Variants in ABL1 observed in about 807,000 individuals in gnomAD.
ABL1 encodes the protein tyrosine-protein kinase ABL1.
In ABL1, 11 loss-of-function variants were observed where a neutral mutation model predicts 94.7. The observed-to-expected ratio is 0.12, with a 90% CI of 0.07 to 0.19. The LOEUF (loss-of-function observed/expected upper bound fraction) is 0.19, where lower values mean the gene tolerates loss of function less well. Ranked by LOEUF, ABL1 falls within the 10% of genes least tolerant of loss-of-function variation. ABL1 has a pLI of 1.00. For synonymous variants in ABL1, 656 were observed against 622.4 expected (o/e 1.05, Z -0.80); for missense variants, 1,082 against 1,489.4 (o/e 0.73, Z 4.50).
Position 130,887,147 on chromosome 9 carries a change from C to T in ABL1, c.*1464C>T, listed in dbSNP as rs1231384924. ...GGTGGCCGCCCCTGAGGCTTCACGC[C>T]GGGAGAAGCCACCTTCCCACCCCTT... On this transcript the variant is annotated 3_prime_UTR_variant, in exon 11 of 11. Coordinates refer to ENST00000318560, the MANE Select transcript of ABL1 (RefSeq NM_005157.6). The T allele has an allele frequency of 2.1e-5, 5 of 233,158 alleles. No individual in the cohort carries two copies. The highest frequency in any genetic ancestry group is 2.5e-5 in the Non-Finnish European group (3 of 118,048). The allele number at this position is 233,158 out of a possible 1,614,324, so 14.4% of individuals were successfully genotyped here.
At position 130,762,909 on chromosome 9, in the gene ABL1, C is replaced by CAAA. The variant is rs5900905; in HGVS notation, c.136+48469_136+48471dup. On this transcript the variant is annotated intron_variant, in intron 1 of 10. Coordinates refer to the ABL1 transcript ENST00000372348. ...CTGGTGACAGAGCGAGACTCCGTCT[C>CAAA]AAAAAAAAAAAAAAAAAGAAAAGGA... Among the ~76,000 whole-genome samples, 58 of 92,848 alleles carry CAAA rather than the reference C, an allele frequency of 6.2e-4. 1 individual carries two copies. The highest frequency in any genetic ancestry group is 7.8e-4 in the Non-Finnish European group (31 of 39,936). The allele number at this position is 92,848 out of a possible 152,430, so 60.9% of individuals were successfully genotyped here.
At chr9:130,867,033 T>TC (rs1320405144) in intron 4 of ABL1, among the ~76,000 whole-genome samples, 3 of 152,236 alleles carry the variant, frequency 2.0e-5, no homozygotes, top group African/African-American at 7.2e-5. Flanking sequence ...GTGTCTTTTT[T>TC]TTCTATGAAT....
chr9:130,855,556 G>GGA (rs2132959442), intron 3 of ABL1, among the ~76,000 whole-genome samples: 1 of 152,298 alleles, frequency 6.6e-6, no homozygotes, highest in South Asian at 2.1e-4. Flanking sequence ...ACACATTCAT[G>GGA]GAGAGGTGTG....
rs1237642504 is a variant in ABL1, at chr9:130,835,414, G to C, written c.-33G>C. On this transcript the variant is annotated 5_prime_UTR_variant, in exon 1 of 11. Transcript: ENST00000318560. This position sits in a 1 kb window ranked among gnomAD's most constrained non-coding sequence, Gnocchi z 4.6. ...GGGCCCGCGGACCGAGCTGGGAGAGGGGTTCCGGCCCCCGACGTGCTGGCG... is the reference window on the plus strand; with the variant it reads ...GGGCCCGCGGACCGAGCTGGGAGAGCGGTTCCGGCCCCCGACGTGCTGGCG... The C allele has an allele frequency of 7.2e-7, 1 of 1,390,234 alleles. No individual in the cohort carries two copies. The highest frequency in any genetic ancestry group is 9.4e-7 in the Non-Finnish European group (1 of 1,064,222). 86.1% of individuals were successfully genotyped at this position (1,390,234 alleles called of 1,614,324 possible).
intron 1 of ABL1, among the ~76,000 whole-genome samples, chr9:130,843,314 G>A (rs1379564900): frequency 6.6e-6 from 1 of 152,174 alleles, no homozygotes; most frequent in Non-Finnish European, 1.5e-5. Flanking sequence ...AGACGCGGTT[G>A]TTCTGTAGTG....
chr9:130,850,569 T>C (rs779618065), intron 1 of ABL1, among the ~76,000 whole-genome samples: 10 of 152,180 alleles, frequency 6.6e-5, no homozygotes, highest in African/African-American at 1.2e-4. Context: ...TGCAGTGGCA[T>C]GATCTCAGCT....
At chr9:130,820,952 CAG>C (rs1830352537) in intron 1 of ABL1, among the ~76,000 whole-genome samples, 1 of 151,302 alleles carries the variant, frequency 6.6e-6, no homozygotes, top group African/African-American at 2.4e-5. Flanking sequence ...TTTTTCGAGA[CAG>C]AGTCTCACTC....
At chr9:130,787,440 T>C (rs1029191708) in intron 1 of ABL1, among the ~76,000 whole-genome samples, 1 of 152,128 alleles carries the variant, frequency 6.6e-6, no homozygotes, top group African/African-American at 2.4e-5. Flanking sequence ...GACTTTTGCA[T>C]TGTATCAGTG....
At chr9:130,777,077 T>G (rs1162740281) in intron 1 of ABL1, among the ~76,000 whole-genome samples, 1 of 152,230 alleles carries the variant, frequency 6.6e-6, no homozygotes, top group Non-Finnish European at 1.5e-5. Flanking sequence ...CATTCTTGAT[T>G]TCTGGGCATA....
intron 1 of ABL1, among the ~76,000 whole-genome samples, chr9:130,837,324 T>C (rs763652198): frequency 2.0e-5 from 3 of 152,238 alleles, no homozygotes; most frequent in African/African-American, 7.2e-5. Flanking sequence ...CATCATCATC[T>C]CCACTTTGCA....
rs2229070 is a variant in ABL1, at chr9:130,884,642, C to G, written c.2352C>G (p.Pro784=). The G allele has an allele frequency of 0.077, 124,593 of 1,613,210 alleles. 6,295 individuals are homozygous for G. Among genetic ancestry groups the G allele is most frequent in the African/African-American group, 0.24 (18,084 of 75,010 alleles). The change falls in exon 11 of 11, where the codon CCC becomes CCG. Residue 784 remains proline (P), a synonymous_variant. Coordinates refer to ENST00000318560, the MANE Select transcript of ABL1 (RefSeq NM_005157.6). The surrounding 1 kb of genome is among the most constrained non-coding windows in gnomAD (Gnocchi z 5.6). The part of the protein sequence containing the change: ...QVTRGTVTPP[P]RLVKKNEEAA... The stretch of plus-strand genomic sequence containing the variant: ...CCCGAGGCACAGTAACGCCTCCCCC[C>G]AGGCTGGTGAAAAAGAATGAGGAAG...
At chr9:130,754,447 G>A (rs1832015802) in intron 1 of ABL1, among the ~76,000 whole-genome samples, 2 of 148,240 alleles carry the variant, frequency 1.3e-5, no homozygotes, top group African/African-American at 2.5e-5. Flanking sequence ...GGCGGAGCTT[G>A]CAGTGAGCCG....
At chr9:130,793,862 T>G (rs1287067458) in intron 1 of ABL1, among the ~76,000 whole-genome samples, 1 of 152,142 alleles carries the variant, frequency 6.6e-6, no homozygotes, top group Non-Finnish European at 1.5e-5. Flanking sequence ...AGTGGCGGCA[T>G]TAGTTTCTCA....
In ABL1 at chr9:130,885,796, A is replaced by G. The variant is rs529742461; in HGVS notation, c.*113A>G. On this transcript the variant is annotated 3_prime_UTR_variant, in exon 11 of 11. Coordinates refer to ENST00000318560, the MANE Select transcript of ABL1 (RefSeq NM_005157.6). ...GACTAGTGAGTCAGCACCTTGGCCC[A>G]GGAGCTCTGCGCCAGGCAGAGCTGA... The G allele has an allele frequency of 5.1e-6, 7 of 1,385,960 alleles. No homozygotes were observed. In the African/African-American group the frequency reaches 8.7e-5, roughly 17 times the overall value. 85.9% of individuals were successfully genotyped at this position (1,385,960 alleles called of 1,614,324 possible). A position where few individuals can be genotyped will look rare whatever the true frequency, so the allele number is the denominator to read the frequency against.
chr9:130,864,236 C>T (rs1337945565), intron 4 of ABL1, among the ~76,000 whole-genome samples: 1 of 152,084 alleles, frequency 6.6e-6, no homozygotes, highest in African/African-American at 2.4e-5. Flanking sequence ...GGATATTTCT[C>T]AGATAGGACT....
rs143441466 is a variant in ABL1, at chr9:130,823,179, G to C, written c.137-30885G>C. ...AGTGCAAGTTTATAGAAAGGAAAAG[G>C]GATAGTTAATAGTAATCATAATAAT... is the stretch of plus-strand genomic sequence containing the variant. On this transcript the variant is annotated intron_variant, in intron 1 of 10. Transcript: ENST00000372348. Among the ~76,000 whole-genome samples, 19 of 152,244 alleles carry C rather than the reference G, an allele frequency of 1.2e-4. No individual in the cohort carries two copies. The East Asian group carries it at 3.7e-3, about 29-fold the overall frequency.
chr9:130,730,899 T>C lies in ABL1; in HGVS notation c.136+16444T>C, dbSNP rs554526654. 5.3e-4 allele frequency among the ~76,000 whole-genome samples: 81 copies of C among 151,970 alleles called. 1 individual carries two copies. Among genetic ancestry groups the C allele is most frequent in the Non-Finnish European group, 9.6e-4 (65 of 67,962 alleles). Reference sequence around the variant, plus strand: ...TGTACTCTCAATACAGGTCCTTCGTTGGGTGTATTTATTATGACTATTTTC... The same window carrying C: ...TGTACTCTCAATACAGGTCCTTCGTCGGGTGTATTTATTATGACTATTTTC... On this transcript the variant is annotated intron_variant, in intron 1 of 10. Coordinates refer to the ABL1 transcript ENST00000372348.
rs368277221 is a variant in ABL1, at chr9:130,815,195, GTGA to G, written c.137-38867_137-38865del. Among the ~76,000 whole-genome samples, 125 of 151,926 alleles carry G rather than the reference GTGA, an allele frequency of 8.2e-4. 1 individual carries two copies. The highest frequency in any genetic ancestry group is 2.7e-3 in the African/African-American group (110 of 41,422). ...CTAAAAGTACAAAAATTAGTCAGGC[GTGA>G]TAGCACACGCCTGTAATCCCAGCTA... On this transcript the variant is annotated intron_variant, in intron 1 of 10. Coordinates refer to the ABL1 transcript ENST00000372348.
intron 1 of ABL1, among the ~76,000 whole-genome samples, chr9:130,853,808 AAT>A (rs1016876206): frequency 2.6e-5 from 4 of 152,222 alleles, no homozygotes. Flanking sequence ...TGAATCCATG[AAT>A]TTTAGAAGCT....
Sources: allele counts gnomAD v4.1 joint callset (sites outside exome capture counted in the v4.1 genomes callset), GRCh38; gene constraint gnomAD v4.1.1; non-coding constraint Gnocchi (gnomAD v3.1); transcripts MANE v1.5; gene names NCBI Gene and HGNC (gene_info 2026-07-23, HGNC 2026-07-21).